INPP5B: variants seen among roughly 807,000 people sequenced by gnomAD.
INPP5B encodes type II inositol 1,4,5-trisphosphate 5-phosphatase.
INPP5B carries 90 observed loss-of-function variants against 118.5 expected under a neutral mutation model. The ratio of observed to expected loss-of-function variants is 0.76; its 90% CI spans 0.64 to 0.90. The LOEUF is 0.90. Ranked by LOEUF, INPP5B falls within the 40% of genes least tolerant of loss-of-function variation. INPP5B has a pLI of 0.00. For synonymous variants in INPP5B, 385 were observed against 418.9 expected, an observed-to-expected ratio of 0.92 and a Z score of 0.99; for missense variants, 984 against 1,125.6, an observed-to-expected ratio of 0.87 and a Z score of 1.80.
chr1:37,929,033 A>G (rs1175497365), intron 7 of INPP5B: 1 of 152,124 alleles, frequency 6.6e-6, no homozygotes, highest in Non-Finnish European at 1.5e-5. Flanking sequence ...AGAGCTTGAT[A>G]CCATTTCTTA....
intron 7 of INPP5B, among the ~76,000 whole-genome samples, chr1:37,904,237 A>G (rs1200904280): frequency 6.6e-6 from 1 of 152,136 alleles, no homozygotes; most frequent in Non-Finnish European, 1.5e-5. Flanking sequence ...AGGCAAGGGA[A>G]TCACTTGAAC....
intron 7 of INPP5B, among the ~76,000 whole-genome samples, chr1:37,897,984 C>T (rs1460880710): frequency 4.0e-5 from 6 of 151,874 alleles, no homozygotes; most frequent in Non-Finnish European, 5.9e-5. Flanking sequence ...AAAACCTGCA[C>T]AGAAAAGTTT....
intron 7 of INPP5B, among the ~76,000 whole-genome samples, chr1:37,913,727 G>T (rs534214551): frequency 6.6e-6 from 1 of 151,856 alleles, no homozygotes; most frequent in East Asian, 1.9e-4. Flanking sequence ...AAAAATTTTC[G>T]CCACCCCAAC....
chr1:37,886,913 A>C lies in INPP5B; in HGVS notation c.1106T>G (p.Val369Gly). 1 of 1,614,114 alleles carries C rather than the reference A, an allele frequency of 6.2e-7. No homozygotes were observed. Residue 369 changes from valine (V) to glycine (G), a missense_variant, in exon 12 of 24, where the codon GTG (valine) becomes GGG (glycine). This residue lies in a region of INPP5B where 634 missense variants were observed against 791.0 expected (regional missense o/e 0.80). Coordinates refer to ENST00000373024, the MANE Select transcript of INPP5B (RefSeq NM_005540.3). Reference protein sequence around the residue: ...AYISEVEAETVGTGIMGRMGN... With the variant: ...AYISEVEAETGGTGIMGRMGN... ...CATCCTCCCCATGATTCCTGTCCCC[A>C]CAGTCTCGGCTTCCACTTCTGAGAT... is the stretch of plus-strand genomic sequence containing the variant.
intron 7 of INPP5B, chr1:37,930,538 G>A (rs1160482904): frequency 1.3e-5 from 2 of 152,272 alleles, no homozygotes; most frequent in Non-Finnish European, 2.9e-5. Flanking sequence ...AGGAGATGAG[G>A]TGCTCTTAAA....
At chr1:37,923,687 T>C (rs1190829647) in intron 7 of INPP5B, among the ~76,000 whole-genome samples, 6 of 151,158 alleles carry the variant, frequency 4.0e-5, no homozygotes, top group Non-Finnish European at 5.9e-5. Context: ...TTATTAGACA[T>C]GAGAGCAGAG....
At chr1:37,937,729 T>C (rs1645749292) in intron 6 of INPP5B, among the ~76,000 whole-genome samples, 1 of 150,994 alleles carries the variant, frequency 6.6e-6, no homozygotes, top group African/African-American at 2.4e-5. Flanking sequence ...ATTGCACCAC[T>C]GCACTCCAGC....
intron 7 of INPP5B, among the ~76,000 whole-genome samples, chr1:37,896,125 C>T (rs1321198226): frequency 1.3e-5 from 2 of 150,766 alleles, no homozygotes; most frequent in East Asian, 2.0e-4. Flanking sequence ...TCTGCCCGGC[C>T]GCCCATCGTC....
rs1200960438 is a variant in INPP5B, at chr1:37,943,801, T to A, written c.245A>T (p.Glu82Val). 7 of 1,613,896 alleles carry A rather than the reference T, an allele frequency of 4.3e-6. No homozygotes were observed. Among genetic ancestry groups the A allele is most frequent in the African/African-American group, 1.3e-5 (1 of 74,908 alleles). Residue 82 changes from glutamate to valine, a missense_variant, in exon 4 of 24, where the codon GAA (glutamate) becomes GTA (valine). This residue lies in a region of INPP5B where 350 missense variants were observed against 334.6 expected (regional missense o/e 1.05). Transcript: ENST00000373024. Reference protein sequence around the residue: ...IVPVSRDFTLEEVSPDGELYI... With the variant: ...IVPVSRDFTLVEVSPDGELYI... The stretch of plus-strand genomic sequence containing the variant: ...CACCCAGCCCCCTGTGGCACCTTCT[T>A]CCAGCGTAAAATCCCGCGAGACTGG...
rs749203715 is a variant in INPP5B, at chr1:37,880,157, C to T, written c.1469G>A (p.Gly490Asp). Residue 490 changes from glycine to aspartate, a missense_variant, in exon 15 of 24, where the codon GGC becomes GAC. Transcript: ENST00000373024. The part of the protein sequence containing the change: ...IQVAAKTVFE[G>D]FTEGELTFQP... Reference sequence around the variant, plus strand: ...GAATGTGAGCTCACCCTCTGTGAAGCCTTCAAAGACAGTCTTTGCGGCCAC... The same window carrying T: ...GAATGTGAGCTCACCCTCTGTGAAGTCTTCAAAGACAGTCTTTGCGGCCAC... 1.9e-5 allele frequency: 31 copies of T among 1,610,062 alleles called. 1 individual carries two copies. In the South Asian group the frequency reaches 3.3e-4, roughly 17 times the overall value.
At chr1:37,885,985 C>G (rs943572061) in intron 12 of INPP5B, among the ~76,000 whole-genome samples, 160 bp from the exon 13 acceptor site, 4 of 151,976 alleles carry the variant, frequency 2.6e-5, no homozygotes, top group African/African-American at 9.7e-5. Context: ...CAAGACCAGC[C>G]TGGCCAAGAT....
At chr1:37,883,460 G>C (rs761725494) in intron 13 of INPP5B, 2 of 985,444 alleles carry the variant, frequency 2.0e-6, no homozygotes, top group Non-Finnish European at 2.4e-6. Flanking sequence ...GTGGAGTGTA[G>C]AAGGTGTTTG....
chr1:37,910,248 C>T (rs1020716434), intron 7 of INPP5B, among the ~76,000 whole-genome samples: 11 of 152,184 alleles, frequency 7.2e-5, no homozygotes, highest in African/African-American at 2.4e-4. Flanking sequence ...CTCCACATTA[C>T]CTTCTTTCCA....
chr1:37,916,013 A>G (rs1644849013), intron 7 of INPP5B, among the ~76,000 whole-genome samples: 1 of 152,222 alleles, frequency 6.6e-6, no homozygotes, highest in Admixed American at 6.5e-5. Context: ...GCCCAGACCT[A>G]TAAAACAAAG....
intron 7 of INPP5B, among the ~76,000 whole-genome samples, chr1:37,912,149 G>GCCT (rs1371130058): frequency 5.3e-5 from 8 of 152,296 alleles, no homozygotes; most frequent in South Asian, 2.1e-4. Flanking sequence ...CCAGCCATAT[G>GCCT]AAGACACCCT....
chr1:37,889,680 G>C lies in INPP5B; in HGVS notation c.674C>G (p.Ser225Cys). 4 of 1,613,612 alleles carry C rather than the reference G, an allele frequency of 2.5e-6. No homozygotes were observed. The highest frequency in any genetic ancestry group is 3.4e-6 in the Non-Finnish European group (4 of 1,179,760). The change falls in exon 9 of 24, where the codon TCC becomes TGC. Residue 225 changes from serine (S) to cysteine (C), a missense_variant. Around this residue, in one of 2 missense-constraint regions of INPP5B, gnomAD observed 350 missense variants for 334.6 expected, o/e 1.05. Transcript: ENST00000373024. ...KSEITDMVRS[S>C]TITVSDKAHI... is the part of the protein sequence containing the mutation. ...AGCCTTGTCCGACACTGTGATAGTG[G>C]AGGAGCGAACCATGTCAGTAATTTC...
chr1:37,944,157 C>A (rs1646035127), intron 3 of INPP5B, among the ~76,000 whole-genome samples: 1 of 152,146 alleles, frequency 6.6e-6, no homozygotes, highest in African/African-American at 2.4e-5. Context: ...TTTGATCTAA[C>A]CATGGTGCAT....
chr1:37,890,821 G>A (rs965577138), intron 8 of INPP5B, among the ~76,000 whole-genome samples: 8 of 152,128 alleles, frequency 5.3e-5, no homozygotes, highest in Admixed American at 5.2e-4. Flanking sequence ...CATTACCTGA[G>A]TTTCCCTAAC....
chr1:37,909,376 C>CA (rs938945091), intron 7 of INPP5B, among the ~76,000 whole-genome samples: 16 of 152,238 alleles, frequency 1.1e-4, no homozygotes, highest in African/African-American at 3.6e-4. Context: ...TCTGCTCCCC[C>CA]ACCCTATAAC....
Sources: allele counts gnomAD v4.1 joint callset (sites outside exome capture counted in the v4.1 genomes callset), GRCh38; gene constraint gnomAD v4.1.1; regional missense constraint gnomAD v4.1.1; transcripts MANE v1.5; gene names NCBI Gene and HGNC (gene_info 2026-07-23, HGNC 2026-07-21).